The following FGGY variants were observed in gnomAD, a reference collection of about 807,000 sequenced individuals.
FGGY encodes FGGY carbohydrate kinase domain containing.
Under a neutral mutation model 71.3 loss-of-function variants are expected in FGGY, and 72 were observed. The observed-to-expected ratio is 1.01, with a 90% CI of 0.84 to 1.23. The LOEUF (loss-of-function observed/expected upper bound fraction) is 1.23. Ranked by LOEUF, FGGY falls within the 50% of genes most tolerant of loss-of-function variation. FGGY has a pLI of 0.00. For missense variants in FGGY, 668 were observed against 682.3 expected (o/e 0.98, Z 0.23); for synonymous variants, 251 against 250.3 (o/e 1.00, Z -0.02).
intron 11 of FGGY, among the ~76,000 whole-genome samples, chr1:59,640,741 A>G (rs182592879): frequency 6.6e-6 from 1 of 151,192 alleles, no homozygotes; most frequent in East Asian, 1.9e-4. Flanking sequence ...AAATGAATTA[A>G]GTGGCTACTG....
chr1:59,506,573 T>G (rs1570370763), intron 6 of FGGY, among the ~76,000 whole-genome samples: 3 of 152,122 alleles, frequency 2.0e-5, no homozygotes, highest in Admixed American at 6.5e-5. Flanking sequence ...CCAAGGTGGG[T>G]GGATCACTTG....
At chr1:59,426,171 C>T (rs371265394) in intron 5 of FGGY, among the ~76,000 whole-genome samples, 1 of 152,162 alleles carries the variant, frequency 6.6e-6, no homozygotes, top group Non-Finnish European at 1.5e-5. Context: ...GCACCACCAC[C>T]TCTGGGCAGT....
At chr1:59,461,253 C>T (rs2092184731) in intron 6 of FGGY, among the ~76,000 whole-genome samples, 2 of 152,172 alleles carry the variant, frequency 1.3e-5, no homozygotes, top group African/African-American at 2.4e-5. Context: ...AAAACCATGG[C>T]ACAAGAACTA....
Position 59,674,068 on chromosome 1 carries a change from G to C in FGGY, c.1447G>C (p.Glu483Gln). The C allele has an allele frequency of 6.2e-7, 1 of 1,614,016 alleles. No individual in the cohort carries two copies. Among genetic ancestry groups the C allele is most frequent in the Admixed American group, 1.7e-5 (1 of 60,022 alleles). ...GCCTGTGGTCCTGTCGCAAGAGGTG[G>C]AGTCCGTTCTTGTGGGTGCTGCTGT... ...GMPVVLSQEV[E>Q]SVLVGAAVLG... Residue 483 changes from glutamate (E) to glutamine (Q), a missense_variant, in exon 14 of 16, where the codon GAG becomes CAG. By Grantham distance (29) the Glu-to-Gln change is conservative. Around this residue, in one of 2 missense-constraint regions of FGGY, gnomAD observed 661 missense variants for 661.6 expected, o/e 1.00. Transcript: ENST00000303721.
At chr1:59,384,304 G>A (rs2059830902) in intron 5 of FGGY, among the ~76,000 whole-genome samples, 2 of 152,184 alleles carry the variant, frequency 1.3e-5, no homozygotes, top group East Asian at 3.9e-4. Flanking sequence ...AAAGCCTGTG[G>A]ACCTTGGGTA....
At chr1:59,647,841 G>A (rs1372138860) in intron 11 of FGGY, among the ~76,000 whole-genome samples, 1 of 124,926 alleles carries the variant, frequency 8.0e-6, no homozygotes, top group Non-Finnish European at 1.6e-5. Context: ...CTGGTGCGCT[G>A]CACCCACTAA....
At chr1:59,302,474 C>T (rs1169018293) in intron 1 of FGGY, among the ~76,000 whole-genome samples, 1 of 152,102 alleles carries the variant, frequency 6.6e-6, no homozygotes, top group Non-Finnish European at 1.5e-5. Context: ...GAATACTATG[C>T]AGCCATAAAA....
chr1:59,409,337 C>T (rs1164063216), intron 5 of FGGY, among the ~76,000 whole-genome samples: 2 of 152,034 alleles, frequency 1.3e-5, no homozygotes, highest in African/African-American at 2.4e-5. Flanking sequence ...TGCGAGAGGC[C>T]CAGGGGCCTG....
intron 7 of FGGY, among the ~76,000 whole-genome samples, chr1:59,519,417 C>T (rs1042734325): frequency 1.3e-5 from 2 of 151,994 alleles, no homozygotes; most frequent in African/African-American, 4.8e-5. Context: ...GTTACTTGTG[C>T]CGTGTATGGA....
intron 7 of FGGY, among the ~76,000 whole-genome samples, chr1:59,522,000 G>A (rs531697667): frequency 4.1e-4 from 62 of 152,264 alleles, no homozygotes; most frequent in Non-Finnish European, 8.1e-4. Flanking sequence ...CCTGCTATTC[G>A]AGTTCCTTCC....
chr1:59,463,753 C>G (rs1289777544), intron 6 of FGGY, among the ~76,000 whole-genome samples: 1 of 150,824 alleles, frequency 6.6e-6, no homozygotes, highest in Non-Finnish European at 1.5e-5. Flanking sequence ...CAACAAAGAT[C>G]AAAAGAGACA....
chr1:59,362,161 T>G (rs2153232043), intron 4 of FGGY, among the ~76,000 whole-genome samples: 1 of 152,238 alleles, frequency 6.6e-6, no homozygotes, highest in South Asian at 2.1e-4. Flanking sequence ...TTTGGTCTCT[T>G]TGTTCATCTT....
chr1:59,596,461 C>CAA (rs751001525), intron 8 of FGGY, among the ~76,000 whole-genome samples: 11 of 126,538 alleles, frequency 8.7e-5, no homozygotes, highest in Non-Finnish European at 6.9e-5. Context: ...TTTTTTTCTC[C>CAA]AAAAAAAAAA....
Position 59,618,866 on chromosome 1 carries a change from G to A in FGGY, c.1012-7122G>A, listed in dbSNP as rs573613180. On this transcript the variant is annotated intron_variant, in intron 9 of 15. Transcript: ENST00000303721. The stretch of plus-strand genomic sequence containing the variant: ...TTAGCATTGACACGATCTATGTACA[G>A]ATGTAGGTGTGTCCCCAGCATTTCA... Among the ~76,000 whole-genome samples the A allele has an allele frequency of 1.6e-4, 25 of 152,184 alleles. No individual in the cohort carries two copies. The South Asian group carries it at 4.8e-3, about 29-fold the overall frequency.
intron 6 of FGGY, among the ~76,000 whole-genome samples, chr1:59,464,171 G>A (rs1309395802): frequency 6.6e-6 from 1 of 152,202 alleles, no homozygotes; most frequent in African/African-American, 2.4e-5. Flanking sequence ...CTGTCTTTCA[G>A]ACCACAGTGC....
chr1:59,681,055 C>T (rs1472863320), intron 14 of FGGY: 2 of 152,124 alleles, frequency 1.3e-5, no homozygotes, highest in African/African-American at 4.8e-5. Context: ...AATGACCATA[C>T]TCACCAGTAT....
intron 1 of FGGY, among the ~76,000 whole-genome samples, chr1:59,312,515 GT>G (rs1006297590): frequency 2.0e-5 from 3 of 152,212 alleles, no homozygotes; most frequent in African/African-American, 7.2e-5. Context: ...ACAAGTAAAT[GT>G]GCTTTATTGG....
At chr1:59,332,522 G>A (rs932460028) in intron 2 of FGGY, among the ~76,000 whole-genome samples, 2 of 152,190 alleles carry the variant, frequency 1.3e-5, no homozygotes, top group Non-Finnish European at 2.9e-5. Flanking sequence ...AGCTGTGGAT[G>A]AGCATGATCA....
At chr1:59,645,758 T>C (rs2097088393) in intron 11 of FGGY, among the ~76,000 whole-genome samples, 1 of 152,246 alleles carries the variant, frequency 6.6e-6, no homozygotes, top group Non-Finnish European at 1.5e-5. Flanking sequence ...AGCAATGACC[T>C]TGGAGACATA....
Sources: gnomAD v4.1 joint callset for allele counts (sites outside exome capture counted in the v4.1 genomes callset) on GRCh38, gnomAD v4.1.1 for gene constraint, gnomAD v4.1.1 regional missense constraint, MANE v1.5 for transcripts, NCBI Gene and HGNC (gene_info 2026-07-23, HGNC 2026-07-21) for gene names.